The following PPP2R5C variants were observed in gnomAD, a reference collection of about 807,000 sequenced individuals.
PPP2R5C encodes the protein serine/threonine-protein phosphatase 2A 56 kDa regulatory subunit gamma isoform.
In PPP2R5C, 7 loss-of-function variants were observed where a neutral mutation model predicts 68.9. The ratio of observed to expected loss-of-function variants is 0.10; its 90% confidence interval spans 0.06 to 0.19. The LOEUF (loss-of-function observed/expected upper bound fraction) is 0.19. PPP2R5C is among the 10% of genes least tolerant of loss of function. The probability of loss-of-function intolerance (pLI) is 1.00; values close to 1 mark genes in which losing one functional copy is unlikely to be tolerated. For missense variants in PPP2R5C, 348 were observed against 641.3 expected (o/e 0.54, Z 4.94); for synonymous variants, 210 against 222.2 (o/e 0.95, Z 0.49).
chr14:101,787,798 C>T (rs866599385), intron 3 of PPP2R5C, among the ~76,000 whole-genome samples: 6 of 150,790 alleles, frequency 4.0e-5, no homozygotes, highest in African/African-American at 1.2e-4. Flanking sequence ...TCCAGGTTCT[C>T]GCTTGCATTT....
intron 1 of PPP2R5C, chr14:101,843,741 G>T: frequency 5.3e-6 from 1 of 189,798 alleles, no homozygotes; most frequent in Non-Finnish European, 1.1e-5. Flanking sequence ...ATCATCTTCA[G>T]CAACAGCAAA....
At chr14:101,847,732 A>G (rs1678003) in intron 1 of PPP2R5C, among the ~76,000 whole-genome samples, 40,339 of 144,876 alleles carry the variant, frequency 0.28, 6,508 homozygotes, top group African/African-American at 0.47. Flanking sequence ...GCGTGATCTC[A>G]GCTCACTGCA....
chr14:101,763,062 A>G, intron 2 of PPP2R5C, 92 bp downstream of exon 2: 1 of 1,169,054 alleles, frequency 8.6e-7, no homozygotes. Context: ...GAATCTTCTA[A>G]AATGTTTCCC....
intron 1 of PPP2R5C, chr14:101,818,000 C>G (rs1188457809): frequency 2.0e-5 from 3 of 152,070 alleles, no homozygotes; most frequent in Non-Finnish European, 2.9e-5. Flanking sequence ...CAAAGCTCAT[C>G]TGTCTCTCTC....
chr14:101,901,928 T>C (rs1354514743), intron 9 of PPP2R5C, 39 bp downstream of exon 11: 1 of 1,591,040 alleles, frequency 6.3e-7, no homozygotes, highest in Non-Finnish European at 8.6e-7. Context: ...ATTCTTCCAG[T>C]GTTCATTTGG....
chr14:101,890,417 T>C (rs1422475067), intron 6 of PPP2R5C, 121 bp downstream of exon 8: 1 of 924,738 alleles, frequency 1.1e-6, no homozygotes. Context: ...CTAAAAGAAT[T>C]CAAATACAAT....
intron 7 of PPP2R5C, among the ~76,000 whole-genome samples, chr14:101,894,040 A>G (rs1334358573): frequency 6.6e-6 from 1 of 152,256 alleles, no homozygotes. Context: ...CAAAAAGTAT[A>G]TTCTTTAATT....
rs539105164 is a variant in PPP2R5C at position 101,906,236 on chromosome 14, T to G, written c.1024-166T>G. On this transcript the variant is annotated intron_variant, in intron 9 of 13. Transcript: ENST00000334743. The surrounding 1 kb of genome is among the most constrained non-coding windows in gnomAD (Gnocchi z 4.0). ...AGTTGTCTGCCTCTTTGTTGAAGGC[T>G]CTTCAGGGTTACAGGTTACAGTCTA... Among the ~76,000 whole-genome samples, 4 of 152,356 alleles carry G rather than the reference T, an allele frequency of 2.6e-5. No homozygotes were observed. The South Asian group carries it at 8.3e-4, about 32-fold the overall frequency.
At chr14:101,833,618 A>G (rs1253233017) in intron 1 of PPP2R5C, 2 of 152,218 alleles carry the variant, frequency 1.3e-5, no homozygotes, top group African/African-American at 4.8e-5. Flanking sequence ...TTGAGAGGAC[A>G]CAGTATGAGG....
At chr14:101,871,107 A>T (rs1199931236) in intron 2 of PPP2R5C, among the ~76,000 whole-genome samples, 3 of 152,078 alleles carry the variant, frequency 2.0e-5, no homozygotes. Flanking sequence ...TCTTCTGACT[A>T]GTGTTGGCAT....
chr14:101,885,843 A>T (rs968961834), intron 5 of PPP2R5C, among the ~76,000 whole-genome samples: 5 of 152,246 alleles, frequency 3.3e-5, no homozygotes, highest in Non-Finnish European at 5.9e-5. Context: ...AATATACATT[A>T]TTTAACATAC....
At chr14:101,824,365 A>G (rs2040270208) in intron 1 of PPP2R5C, 2 of 333,016 alleles carry the variant, frequency 6.0e-6, no homozygotes, top group Non-Finnish European at 1.1e-5. Context: ...GGAAAGCATC[A>G]AGAAATATTT....
exon 2 of PPP2R5C, chr14:101,762,940 A>C: frequency 1.3e-6 from 2 of 1,583,486 alleles, no homozygotes; most frequent in South Asian, 2.3e-5. Context: ...GAAAAAGTTC[A>C]AAAGAAGGAC....
intron 2 of PPP2R5C, chr14:101,766,118 A>G (rs1278255158): frequency 6.6e-6 from 1 of 152,238 alleles, no homozygotes; most frequent in East Asian, 1.9e-4. Flanking sequence ...CTTCAAGTAT[A>G]TGGCAGGTCT....
chr14:101,766,497 A>G (rs1007856063), intron 2 of PPP2R5C: 2 of 152,224 alleles, frequency 1.3e-5, no homozygotes, highest in Non-Finnish European at 2.9e-5. Context: ...GGCAGGCTGT[A>G]TCTTTCAGTG....
chr14:101,912,681 C>CT, intron 12 of PPP2R5C: 5 of 1,079,894 alleles, frequency 4.6e-6, no homozygotes, highest in Non-Finnish European at 6.0e-6. Flanking sequence ...ACAGAATTGA[C>CT]TTTTTTCCTC....
chr14:101,762,685 A>G (rs1017228957), intron 1 of PPP2R5C, among the ~76,000 whole-genome samples: 1 of 151,590 alleles, frequency 6.6e-6, no homozygotes, highest in South Asian at 2.1e-4. Flanking sequence ...GAAGTTTTCA[A>G]CCTCAAATGC....
At chr14:101,865,303 C>T (rs898057417) in intron 2 of PPP2R5C, among the ~76,000 whole-genome samples, 5 of 152,222 alleles carry the variant, frequency 3.3e-5, no homozygotes, top group African/African-American at 7.2e-5. Context: ...CTTTTCCTTC[C>T]GTGTCCCATG....
chr14:101,794,631 G>A (rs1032757204), intron 3 of PPP2R5C, among the ~76,000 whole-genome samples: 22 of 152,296 alleles, frequency 1.4e-4, no homozygotes, highest in African/African-American at 5.3e-4. Flanking sequence ...AGTATGCTAT[G>A]ACTATTTTCC....
Sources: allele counts gnomAD v4.1 joint callset (sites outside exome capture counted in the v4.1 genomes callset), GRCh38; gene constraint gnomAD v4.1.1; non-coding constraint Gnocchi (gnomAD v3.1); transcripts MANE v1.5; gene names NCBI Gene and HGNC (gene_info 2026-07-23, HGNC 2026-07-21).